The following GRID2 variants were observed in gnomAD, a reference collection of about 807,000 sequenced individuals.
GRID2 encodes glutamate ionotropic receptor delta type subunit 2, also known as glutamate receptor ionotropic, delta-2.
GRID2 carries 33 observed loss-of-function variants against 114.8 expected under a neutral mutation model. The ratio of observed to expected loss-of-function variants is 0.29; its 90% CI spans 0.22 to 0.38. GRID2 has a LOEUF of 0.38. GRID2 is among the 10% of genes least tolerant of loss of function. The pLI is 1.00. For missense variants in GRID2, 1,184 were observed against 1,257.7 expected (o/e 0.94, Z 0.89); for synonymous variants, 505 against 449.9 (o/e 1.12, Z -1.55).
intron 13 of GRID2, among the ~76,000 whole-genome samples, chr4:93,516,200 C>T (rs1484841259): frequency 6.6e-6 from 1 of 152,096 alleles, no homozygotes; most frequent in Non-Finnish European, 1.5e-5. Context: ...CACTTTTTCT[C>T]TCTGACCTTC....
intron 8 of GRID2, among the ~76,000 whole-genome samples, chr4:93,253,213 G>A (rs1274120803): frequency 3.3e-5 from 5 of 151,814 alleles, no homozygotes; most frequent in Non-Finnish European, 7.4e-5. Flanking sequence ...CTGAGATAGC[G>A]CCACTGCACT....
At chr4:93,690,774 A>C (rs1261569316) in intron 14 of GRID2, among the ~76,000 whole-genome samples, 2 of 151,672 alleles carry the variant, frequency 1.3e-5, no homozygotes, top group Non-Finnish European at 3.0e-5. Flanking sequence ...TGGAATGATT[A>C]TCTGGTTTGA....
chr4:92,820,951 A>G (rs1325139933), intron 2 of GRID2, among the ~76,000 whole-genome samples: 1 of 152,114 alleles, frequency 6.6e-6, no homozygotes, highest in Admixed American at 6.6e-5. Context: ...CAATACTATA[A>G]TCATCTTCTC....
intron 1 of GRID2, among the ~76,000 whole-genome samples, chr4:92,477,310 G>A (rs1302940314): frequency 2.6e-5 from 4 of 151,908 alleles, no homozygotes; most frequent in East Asian, 3.9e-4. Flanking sequence ...GTATTACTGT[G>A]GAGAAAGTTG....
At chr4:93,645,179 G>A (rs895249798) in intron 14 of GRID2, among the ~76,000 whole-genome samples, 1 of 152,142 alleles carries the variant, frequency 6.6e-6, no homozygotes. Context: ...AGCATCAAAT[G>A]GACACAGAAA....
At chr4:93,288,895 G>A (rs1277459125) in intron 8 of GRID2, among the ~76,000 whole-genome samples, 1 of 152,100 alleles carries the variant, frequency 6.6e-6, no homozygotes, top group Non-Finnish European at 1.5e-5. Flanking sequence ...TCACTCTCTT[G>A]AAATACTAGG....
At chr4:93,282,966 T>C (rs1327228207) in intron 8 of GRID2, among the ~76,000 whole-genome samples, 1 of 151,980 alleles carries the variant, frequency 6.6e-6, no homozygotes, top group Non-Finnish European at 1.5e-5. Context: ...AACTCACTCA[T>C]ACTGCAAGGA....
chr4:92,795,289 C>T (rs1739808166), intron 2 of GRID2, among the ~76,000 whole-genome samples: 1 of 151,814 alleles, frequency 6.6e-6, no homozygotes, highest in Non-Finnish European at 1.5e-5. Context: ...CTTTCCTGTG[C>T]TATTCTAGTG....
At chr4:92,455,809 T>G (rs1261918063) in intron 1 of GRID2, among the ~76,000 whole-genome samples, 1 of 152,190 alleles carries the variant, frequency 6.6e-6, no homozygotes, top group African/African-American at 2.4e-5. Flanking sequence ...TAATAAAGTT[T>G]AGGTCACACT....
chr4:92,757,239 G>A (rs1737763127), intron 2 of GRID2, among the ~76,000 whole-genome samples: 2 of 152,026 alleles, frequency 1.3e-5, no homozygotes, highest in South Asian at 2.1e-4. Context: ...AGAATACATT[G>A]TGGAGGCCAC....
chr4:93,764,334 T>A (rs1733454930), intron 14 of GRID2, among the ~76,000 whole-genome samples: 1 of 152,152 alleles, frequency 6.6e-6, no homozygotes, highest in Non-Finnish European at 1.5e-5. Flanking sequence ...TCACAAATGT[T>A]TTAATATTTT....
At chr4:93,176,732 A>C (rs897300283) in intron 4 of GRID2, among the ~76,000 whole-genome samples, 1 of 152,170 alleles carries the variant, frequency 6.6e-6, no homozygotes, top group Admixed American at 6.5e-5. Context: ...GCTTTTTTAA[A>C]TTATTTTTTG....
At chr4:92,952,677 A>G (rs1429954015) in intron 2 of GRID2, among the ~76,000 whole-genome samples, 2 of 152,198 alleles carry the variant, frequency 1.3e-5, no homozygotes, top group South Asian at 2.1e-4. Context: ...GTTTAATCCA[A>G]TTTTTGAATA....
chr4:92,610,816 C>A (rs1946736524), intron 2 of GRID2, among the ~76,000 whole-genome samples: 1 of 151,756 alleles, frequency 6.6e-6, no homozygotes, highest in East Asian at 2.0e-4. Flanking sequence ...TTAGATAATA[C>A]AAAATCTTTT....
In GRID2 at chr4:92,710,871, A is replaced by G. The variant is rs577719399; in HGVS notation, c.244+120585A>G. Among the ~76,000 whole-genome samples, 3 of 152,200 alleles carry G rather than the reference A, an allele frequency of 2.0e-5. No homozygotes were observed. The South Asian group carries it at 6.2e-4, about 32-fold the overall frequency. ...ATAAACTTATATTACTATTAATAAT[A>G]AATTGCTTGCAACTTAAATAACCAT... is the stretch of plus-strand genomic sequence containing the variant. On this transcript the variant is annotated intron_variant, in intron 2 of 15. Transcript: ENST00000282020.
intron 2 of GRID2, among the ~76,000 whole-genome samples, chr4:92,797,284 T>C (rs1202697400): frequency 6.6e-6 from 1 of 151,994 alleles, no homozygotes; most frequent in Non-Finnish European, 1.5e-5. Flanking sequence ...CATATTTTAC[T>C]AGAGAGATGA....
chr4:92,649,741 G>T (rs1196653579), intron 2 of GRID2, among the ~76,000 whole-genome samples: 7 of 151,774 alleles, frequency 4.6e-5, no homozygotes, highest in Admixed American at 3.9e-4. Flanking sequence ...AACCAAAATG[G>T]AACTAATTCT....
At chr4:93,014,455 A>G (rs1722486320) in intron 2 of GRID2, among the ~76,000 whole-genome samples, 1 of 152,098 alleles carries the variant, frequency 6.6e-6, no homozygotes, top group African/African-American at 2.4e-5. Flanking sequence ...ACTACAGCAT[A>G]AAGAACCAGG....
At chr4:92,574,037 T>C (rs1275261283) in intron 1 of GRID2, among the ~76,000 whole-genome samples, 1 of 152,228 alleles carries the variant, frequency 6.6e-6, no homozygotes, top group African/African-American at 2.4e-5. Flanking sequence ...TCTTGTTGAA[T>C]TGAACCCTTT....
Sources: allele counts gnomAD v4.1 joint callset (sites outside exome capture counted in the v4.1 genomes callset), GRCh38; gene constraint gnomAD v4.1.1; transcripts MANE v1.5; gene names NCBI Gene and HGNC (gene_info 2026-07-23, HGNC 2026-07-21).